SOX5: variants seen among roughly 807,000 people sequenced by gnomAD.
SOX5 encodes the protein SRY-box transcription factor 5, also known as transcription factor SOX-5.
SOX5 carries 9 observed loss-of-function variants against 92.0 expected under a neutral mutation model. That is an observed-to-expected ratio of 0.10 (90% CI 0.06 to 0.17). The LOEUF is 0.17. SOX5 is among the 10% of genes least tolerant of loss of function. SOX5 has a pLI of 1.00. For synonymous variants in SOX5, 344 were observed against 336.3 expected (o/e 1.02, Z -0.25); for missense variants, 642 against 944.5 (o/e 0.68, Z 4.20).
At chr12:23,896,714 T>TAAAAAAAAAA (rs11306331) in intron 1 of SOX5, among the ~76,000 whole-genome samples, 1 of 123,828 alleles carries the variant, frequency 8.1e-6, no homozygotes, top group Non-Finnish European at 1.8e-5. Context: ...TGCAAGGTAG[T>TAAAAAAAAAA]AAAAAAAAAA....
intron 2 of SOX5, among the ~76,000 whole-genome samples, chr12:23,856,669 A>G (rs1377550576): frequency 6.6e-6 from 1 of 152,118 alleles, no homozygotes; most frequent in African/African-American, 2.4e-5. Context: ...AAGAAAATAA[A>G]GCTGGTTTTC....
chr12:23,835,320 C>T (rs1029854192), intron 3 of SOX5, among the ~76,000 whole-genome samples: 2 of 151,756 alleles, frequency 1.3e-5, no homozygotes, highest in African/African-American at 4.8e-5. Flanking sequence ...GAACCTGGAC[C>T]CATAAATCAT....
intron 6 of SOX5, among the ~76,000 whole-genome samples, chr12:23,685,727 T>C (rs1318408934): frequency 6.6e-6 from 1 of 151,492 alleles, no homozygotes; most frequent in Non-Finnish European, 1.5e-5. Context: ...CTCAATACCA[T>C]GATCCCATCC....
chr12:24,373,663 C>T (rs1397912494), intron 1 of SOX5, among the ~76,000 whole-genome samples: 1 of 152,060 alleles, frequency 6.6e-6, no homozygotes, highest in African/African-American at 2.4e-5. Flanking sequence ...CACACAAACA[C>T]AGATATCAAA....
intron 4 of SOX5, among the ~76,000 whole-genome samples, chr12:23,747,507 C>G (rs575690138): frequency 1.2e-3 from 178 of 152,254 alleles, no homozygotes; most frequent in African/African-American, 4.1e-3. Context: ...TCTTCCCTGA[C>G]ATTATCTCTT....
At chr12:23,719,331 A>C (rs1379339266) in intron 6 of SOX5, among the ~76,000 whole-genome samples, 3 of 152,190 alleles carry the variant, frequency 2.0e-5, no homozygotes, top group African/African-American at 7.2e-5. Context: ...GAGATAAATA[A>C]ATACCATTTA....
chr12:24,184,221 C>G (rs754062949), intron 4 of SOX5, among the ~76,000 whole-genome samples: 5 of 152,056 alleles, frequency 3.3e-5, no homozygotes, highest in Non-Finnish European at 5.9e-5. Context: ...AAAATAAATG[C>G]TCTAACTTTA....
chr12:24,467,158 T>A (rs1163825930), intron 1 of SOX5, among the ~76,000 whole-genome samples: 1 of 152,164 alleles, frequency 6.6e-6, no homozygotes, highest in Non-Finnish European at 1.5e-5. Context: ...AACCTGAAAC[T>A]CCAAAAGCAA....
chr12:24,163,680 CT>C (rs895386589), intron 4 of SOX5, among the ~76,000 whole-genome samples: 2 of 151,888 alleles, frequency 1.3e-5, no homozygotes, highest in African/African-American at 4.8e-5. Flanking sequence ...AAATGTTTTT[CT>C]GATGATGATT....
At chr12:23,706,290 A>C (rs868176530) in intron 6 of SOX5, among the ~76,000 whole-genome samples, 99 of 152,256 alleles carry the variant, frequency 6.5e-4, no homozygotes, top group African/African-American at 2.3e-3. Context: ...TATTATATTT[A>C]GTATTTATAC....
intron 3 of SOX5, among the ~76,000 whole-genome samples, chr12:23,777,329 G>C (rs1030942659): frequency 1.1e-4 from 17 of 152,134 alleles, no homozygotes; most frequent in Admixed American, 3.9e-4. Flanking sequence ...GAGTTATACT[G>C]TGGATACAGG....
intron 2 of SOX5, among the ~76,000 whole-genome samples, chr12:24,289,950 C>T (rs1229456607): frequency 6.6e-6 from 1 of 152,164 alleles, no homozygotes; most frequent in African/African-American, 2.4e-5. Context: ...TAAACATCAC[C>T]AGACTCTCTT....
chr12:24,500,085 C>T (rs924798274), intron 1 of SOX5, among the ~76,000 whole-genome samples: 3 of 152,094 alleles, frequency 2.0e-5, no homozygotes, highest in African/African-American at 2.4e-5. Flanking sequence ...ATCCTAAATC[C>T]AGTTCTGCCA....
intron 1 of SOX5, among the ~76,000 whole-genome samples, chr12:24,560,977 T>G (rs1489180625): frequency 6.6e-6 from 1 of 152,196 alleles, no homozygotes; most frequent in East Asian, 1.9e-4. Context: ...GTCCAGTCCC[T>G]TTGCAGATTC....
chr12:24,537,774 C>T (rs1951768545), intron 1 of SOX5, among the ~76,000 whole-genome samples: 1 of 152,188 alleles, frequency 6.6e-6, no homozygotes, highest in Admixed American at 6.5e-5. Flanking sequence ...GGCATTTTCT[C>T]GAAAGTTTCT....
chr12:24,423,878 T>C (rs936926229), intron 1 of SOX5, among the ~76,000 whole-genome samples: 5 of 152,110 alleles, frequency 3.3e-5, no homozygotes, highest in African/African-American at 1.2e-4. Flanking sequence ...TTGAGATGCA[T>C]AGGCACCACT....
intron 3 of SOX5, among the ~76,000 whole-genome samples, chr12:24,220,951 T>G (rs1402457203): frequency 6.6e-6 from 1 of 152,210 alleles, no homozygotes; most frequent in Non-Finnish European, 1.5e-5. Flanking sequence ...ACACCTTATC[T>G]ACACTGGTTT....
At chr12:24,116,540 TCA>T (rs1299862041) in intron 4 of SOX5, among the ~76,000 whole-genome samples, 1 of 152,144 alleles carries the variant, frequency 6.6e-6, no homozygotes, top group African/African-American at 2.4e-5. Context: ...ACTGACAAAG[TCA>T]CAGTACTGCT....
intron 1 of SOX5, among the ~76,000 whole-genome samples, chr12:24,373,945 T>C (rs1028632983): frequency 2.6e-5 from 4 of 152,164 alleles, no homozygotes; most frequent in African/African-American, 9.7e-5. Context: ...AGCTAACCTT[T>C]GGAAATCTTA....
Sources: gnomAD v4.1 joint callset for allele counts (sites outside exome capture counted in the v4.1 genomes callset) on GRCh38, gnomAD v4.1.1 for gene constraint, MANE v1.5 for transcripts, NCBI Gene and HGNC (gene_info 2026-07-23, HGNC 2026-07-21) for gene names.